The following ARHGAP8 variants were observed in gnomAD, a reference collection of about 807,000 sequenced individuals.
The protein encoded by ARHGAP8 is Rho GTPase activating protein 8, also known as rho GTPase-activating protein 8.
In ARHGAP8, 62 loss-of-function variants were observed where a neutral mutation model predicts 46.1. That is an observed-to-expected ratio of 1.34 (90% CI 1.10 to 1.66). ARHGAP8 has a LOEUF of 1.66. Among genes scored for constraint, ARHGAP8 ranks in the 40% most tolerant of loss-of-function variants. The pLI, the probability that ARHGAP8 is intolerant of heterozygous loss-of-function variation, is 0.00. For synonymous variants in ARHGAP8, 375 were observed against 243.1 expected (o/e 1.54, Z -5.05); for missense variants, 923 against 568.4 (o/e 1.62, Z -6.34).
intron 8 of ARHGAP8, 108 bp from the exon 9 acceptor site, chr22:44,847,865 G>A: frequency 1.4e-6 from 2 of 1,401,028 alleles, no homozygotes; most frequent in Non-Finnish European, 2.0e-6. Context: ...TAAATGTGTG[G>A]AGGCCAGCCA....
At chr22:44,816,872 C>T (rs373712134) in intron 5 of ARHGAP8, among the ~76,000 whole-genome samples, 3 of 127,842 alleles carry the variant, frequency 2.3e-5, no homozygotes, top group African/African-American at 2.9e-5. Flanking sequence ...TTTCTTTTTT[C>T]TTTCTTTCTT....
At chr22:44,796,156 C>T (rs1318087298) in intron 2 of ARHGAP8, among the ~76,000 whole-genome samples, 1 of 152,214 alleles carries the variant, frequency 6.6e-6, no homozygotes, top group Non-Finnish European at 1.5e-5. Flanking sequence ...CCCTGAGGTT[C>T]CTCAGTGACC....
intron 1 of ARHGAP8, among the ~76,000 whole-genome samples, chr22:44,766,479 TGTGTGTCTCTGTGTAC>T (rs1316718956): frequency 3.3e-5 from 5 of 151,864 alleles, no homozygotes; most frequent in East Asian, 1.9e-4. Context: ...TCTGTGCATA[TGTGTGTCTCTGTGTAC>T]GTGTGTCTCT....
chr22:44,853,920 G>C (rs181058703), intron 10 of ARHGAP8, among the ~76,000 whole-genome samples: 2 of 150,642 alleles, frequency 1.3e-5, no homozygotes, highest in Non-Finnish European at 2.9e-5. Context: ...CCAGCTACTC[G>C]GGAGGCTGAG....
intron 10 of ARHGAP8, among the ~76,000 whole-genome samples, chr22:44,851,363 T>C (rs1278928604): frequency 2.0e-5 from 3 of 152,024 alleles, no homozygotes; most frequent in Admixed American, 1.3e-4. Flanking sequence ...TTATTTAATG[T>C]AAGTTTTACA....
intron 7 of ARHGAP8, among the ~76,000 whole-genome samples, chr22:44,837,622 C>T (rs574566686): frequency 2.0e-5 from 3 of 152,316 alleles, no homozygotes; most frequent in South Asian, 4.2e-4. Flanking sequence ...CAACCAGAGT[C>T]CCCTGGGGTC....
At chr22:44,790,640 C>T (rs1927597315) in intron 2 of ARHGAP8, among the ~76,000 whole-genome samples, 1 of 138,364 alleles carries the variant, frequency 7.2e-6, no homozygotes, top group Non-Finnish European at 1.5e-5. Context: ...CACACCATTG[C>T]ACTCCAGCCT....
chr22:44,761,228 G>C (rs1438993581), intron 1 of ARHGAP8, among the ~76,000 whole-genome samples: 1 of 152,140 alleles, frequency 6.6e-6, no homozygotes, highest in Non-Finnish European at 1.5e-5. Context: ...CCTCCGTATT[G>C]GTGGCCTCTG....
chr22:44,845,369 T>A, intron 8 of ARHGAP8, 27 bp downstream of exon 8: 1 of 1,613,692 alleles, frequency 6.2e-7, no homozygotes, highest in Non-Finnish European at 8.5e-7. Flanking sequence ...TCCAGCTGGA[T>A]GACGTGAGGG....
intron 2 of ARHGAP8, among the ~76,000 whole-genome samples, chr22:44,795,584 C>T (rs1037177559): frequency 3.3e-5 from 5 of 152,120 alleles, no homozygotes; most frequent in African/African-American, 9.7e-5. Flanking sequence ...TGGCAGGCCA[C>T]GAGCCCTCCC....
rs55704104 is a variant in ARHGAP8 at position 44,762,441 on chromosome 22, C to CAA, written c.-72+9822_-72+9823dup. ...ACAGCATGAGACCCCATCTCTAAAA[C>CAA]AAAAAAAAATCTTTGTTAGGTCTTT... On this transcript the variant is annotated intron_variant, in intron 1 of 11. Transcript: ENST00000356099. Among the ~76,000 whole-genome samples the CAA allele has an allele frequency of 1.5e-4, 22 of 150,044 alleles. No homozygotes were observed. In the South Asian group the frequency reaches 1.9e-3, roughly 13 times the overall value.
At position 44,862,740 on chromosome 22, in the gene ARHGAP8, G is replaced by A. The variant is rs1050898391; in HGVS notation, c.*145G>A. 35 of 1,001,458 alleles carry A rather than the reference G, an allele frequency of 3.5e-5. No homozygotes were observed. Among genetic ancestry groups the A allele is most frequent in the South Asian group, 4.3e-5 (2 of 46,552 alleles). 62.0% of individuals were successfully genotyped at this position (1,001,458 alleles called of 1,614,324 possible). On this transcript the variant is annotated 3_prime_UTR_variant, in exon 12 of 12. Transcript: ENST00000356099. The stretch of plus-strand genomic sequence containing the variant: ...TGAAAACTCCATGCCTCTGGTCCTT[G>A]GACTCTTGTCCATGGTTCCTGAGCT...
chr22:44,859,987 C>T (rs967929911), intron 11 of ARHGAP8, among the ~76,000 whole-genome samples, 153 bp downstream of exon 11: 25 of 150,556 alleles, frequency 1.7e-4, no homozygotes, highest in African/African-American at 5.6e-4. Context: ...GGACCTCATC[C>T]AAGGCCTGGT....
chr22:44,818,206 T>G (rs1384999735), intron 5 of ARHGAP8, among the ~76,000 whole-genome samples: 1 of 152,090 alleles, frequency 6.6e-6, no homozygotes, highest in Non-Finnish European at 1.5e-5. Flanking sequence ...CCCAGCACTT[T>G]GGGAGGCCGA....
Position 44,862,523 on chromosome 22 carries a change from GAC to G in ARHGAP8, c.1234_1235del (p.Gln412SerfsTer62), listed in dbSNP as rs767597626. ...AAPLQEAVPRTQATGLTKPTL... is the reference protein window; with the variant it reads ...AAPLQEAVPRXQATGLTKPTL... ...CCCCTTTGCAGGAGGCTGTGCCACG[GAC>G]ACAAGCCACGGGCCTCACCAAGCCT... On this transcript the variant is annotated frameshift_variant, in exon 12 of 12. Transcript: ENST00000356099. LOFTEE classifies it low-confidence loss of function (END_TRUNC). 337 of 1,611,772 alleles carry G rather than the reference GAC, an allele frequency of 2.1e-4. No individual in the cohort carries two copies. The highest frequency in any genetic ancestry group is 2.6e-4 in the Non-Finnish European group (304 of 1,178,396).
intron 2 of ARHGAP8, among the ~76,000 whole-genome samples, chr22:44,788,032 C>T (rs551976072): frequency 6.2e-4 from 92 of 148,428 alleles, no homozygotes; most frequent in African/African-American, 2.1e-3. Context: ...TGGCCAGGTG[C>T]CAACAGAAGG....
chr22:44,773,280 C>A (rs185675337), intron 1 of ARHGAP8, among the ~76,000 whole-genome samples: 1 of 152,310 alleles, frequency 6.6e-6, no homozygotes, highest in Non-Finnish European at 1.5e-5. Context: ...AATATTCTCT[C>A]ATTATCCTTT....
chr22:44,827,612 G>C (rs757952888), intron 7 of ARHGAP8, among the ~76,000 whole-genome samples: 4 of 152,130 alleles, frequency 2.6e-5, no homozygotes, highest in Non-Finnish European at 5.9e-5. Flanking sequence ...CAAAGTGCTA[G>C]GATTACAGGT....
intron 2 of ARHGAP8, among the ~76,000 whole-genome samples, chr22:44,793,627 C>A (rs5012764): frequency 0.19 from 29,280 of 152,106 alleles, 3,044 homozygotes; most frequent in East Asian, 0.43. Context: ...AGAATGATGA[C>A]TCGCCCCACG....
Sources: gnomAD v4.1 joint callset for allele counts (sites outside exome capture counted in the v4.1 genomes callset) on GRCh38, gnomAD v4.1.1 for gene constraint, MANE v1.5 for transcripts, NCBI Gene and HGNC (gene_info 2026-07-23, HGNC 2026-07-21) for gene names.